SHF: variants seen among roughly 807,000 people sequenced by gnomAD.
The protein encoded by SHF is SH2 domain-containing adapter protein F.
In SHF, 30 loss-of-function variants were observed where a neutral mutation model predicts 42.4. The observed-to-expected ratio is 0.71, with a 90% CI of 0.53 to 0.96. The LOEUF (loss-of-function observed/expected upper bound fraction) is 0.96, where lower values mean the gene tolerates loss of function less well. Ranked by LOEUF, SHF falls within the 40% of genes least tolerant of loss-of-function variation. SHF has a pLI of 0.00. For missense variants in SHF, 598 were observed against 634.0 expected (o/e 0.94, Z 0.61); for synonymous variants, 264 against 269.9 (o/e 0.98, Z 0.21).
intron 2 of SHF, among the ~76,000 whole-genome samples, chr15:45,176,258 C>T (rs1340504323): frequency 6.6e-6 from 1 of 151,888 alleles, no homozygotes; most frequent in East Asian, 1.9e-4. Flanking sequence ...TCCATGGTTT[C>T]AAACTCATCA....
chr15:45,170,523 G>T, intron 6 of SHF: 1 of 1,078,210 alleles, frequency 9.3e-7, no homozygotes, highest in Non-Finnish European at 1.2e-6. Flanking sequence ...TTTGGCAAAG[G>T]TAGAAACCGA....
chr15:45,195,471 T>G (rs1898836055), intron 2 of SHF, among the ~76,000 whole-genome samples: 1 of 152,254 alleles, frequency 6.6e-6, no homozygotes, highest in African/African-American at 2.4e-5. Context: ...CCTGAGTCTG[T>G]TGACTCCTGT....
At chr15:45,171,769 G>C (rs1362884304) in intron 6 of SHF, 114 bp downstream of exon 6, 1 of 1,156,336 alleles carries the variant, frequency 8.6e-7, no homozygotes, top group African/African-American at 1.5e-5. Flanking sequence ...CCCAGTGCCT[G>C]GGGATTGTTC....
chr15:45,169,376 C>T (rs1373281463), intron 6 of SHF, among the ~76,000 whole-genome samples: 1 of 152,178 alleles, frequency 6.6e-6, no homozygotes, highest in Non-Finnish European at 1.5e-5. Context: ...TCCTCAGGAG[C>T]CTAGCAGACT....
intron 6 of SHF, chr15:45,171,309 C>A: frequency 6.5e-6 from 1 of 153,830 alleles, no homozygotes. Flanking sequence ...TTCCAGGACC[C>A]AAAAGCTCAG....
intron 6 of SHF, among the ~76,000 whole-genome samples, chr15:45,168,774 A>G (rs905187066): frequency 6.6e-6 from 1 of 152,152 alleles, no homozygotes; most frequent in Non-Finnish European, 1.5e-5. Context: ...CCGGCCCTTC[A>G]GCCTACAATG....
chr15:45,198,991 A>C (rs1898975104), exon 2 of SHF: 1 of 1,612,380 alleles, frequency 6.2e-7, no homozygotes. Flanking sequence ...CCCGTTTCCT[A>C]TGCCCCGGAG....
intron 2 of SHF, among the ~76,000 whole-genome samples, chr15:45,176,197 T>C (rs1471893113): frequency 6.6e-6 from 1 of 152,062 alleles, no homozygotes; most frequent in Non-Finnish European, 1.5e-5. Flanking sequence ...CCTTGAAACT[T>C]TCCCTTCGAC....
chr15:45,201,043 C>T, exon 1 of SHF: 3 of 349,922 alleles, frequency 8.6e-6, no homozygotes, highest in Non-Finnish European at 1.7e-5. Context: ...AACGTGGGTG[C>T]GGGAGGAACC....
At chr15:45,188,313 C>T (rs1233780114), upstream of SHF, among the ~76,000 whole-genome samples, 1 of 152,190 alleles carries the variant, frequency 6.6e-6, no homozygotes, top group East Asian at 1.9e-4. Context: ...AAGAGGGGAG[C>T]CCCCAGACTC....
upstream of SHF, among the ~76,000 whole-genome samples, chr15:45,188,518 A>G (rs1334201013): frequency 1.3e-5 from 2 of 152,240 alleles, no homozygotes; most frequent in South Asian, 2.1e-4. Flanking sequence ...CGCACTGCAC[A>G]TACCCGAACC....
At chr15:45,172,837 A>G (rs879763844) in intron 4 of SHF, among the ~76,000 whole-genome samples, 2 of 129,304 alleles carry the variant, frequency 1.5e-5, no homozygotes, top group Non-Finnish European at 3.5e-5. Flanking sequence ...TCCCTCCCCG[A>G]CCCCCAACGT....
intron 4 of SHF, among the ~76,000 whole-genome samples, chr15:45,172,539 G>T (rs944845522): frequency 1.3e-5 from 2 of 152,198 alleles, no homozygotes; most frequent in African/African-American, 4.8e-5. Context: ...GCCACACAGG[G>T]TGTTGCAGTC....
At chr15:45,174,032 C>A (rs367906272) in intron 3 of SHF, among the ~76,000 whole-genome samples, 3 of 152,090 alleles carry the variant, frequency 2.0e-5, no homozygotes, top group Non-Finnish European at 4.4e-5. Context: ...CCAAAGGTAC[C>A]AGGAACAAAG....
upstream of SHF, among the ~76,000 whole-genome samples, chr15:45,190,644 G>A (rs1000894319): frequency 6.6e-6 from 1 of 152,138 alleles, no homozygotes; most frequent in Non-Finnish European, 1.5e-5. Flanking sequence ...AGGTAGACCT[G>A]AGCTGGGTAG....
upstream of SHF, chr15:45,187,988 G>A (rs1898558925): frequency 1.5e-5 from 16 of 1,057,878 alleles, no homozygotes; most frequent in Non-Finnish European, 1.9e-5. Context: ...GCGCAGCGGC[G>A]GGTGGGGGGC....
At chr15:45,186,455 C>G (rs933411493) in intron 1 of SHF, among the ~76,000 whole-genome samples, 1 of 152,202 alleles carries the variant, frequency 6.6e-6, no homozygotes, top group Admixed American at 6.5e-5. Flanking sequence ...ACTGAGCTCT[C>G]GGGGTGAGTG....
intron 1 of SHF, among the ~76,000 whole-genome samples, chr15:45,185,291 A>G (rs919137898): frequency 2.0e-5 from 3 of 152,232 alleles, no homozygotes; most frequent in Admixed American, 6.5e-5. Context: ...GCGGCCACAT[A>G]GTACATAAAC....
chr15:45,191,306 C>T (rs1384863815), upstream of SHF, among the ~76,000 whole-genome samples: 1 of 152,212 alleles, frequency 6.6e-6, no homozygotes, highest in Non-Finnish European at 1.5e-5. Flanking sequence ...CCTCGGCCTC[C>T]CAAAGCACTG....
Sources: gnomAD v4.1 joint callset for allele counts (sites outside exome capture counted in the v4.1 genomes callset) on GRCh38, gnomAD v4.1.1 for gene constraint, MANE v1.5 for transcripts, NCBI Gene and HGNC (gene_info 2026-07-23, HGNC 2026-07-21) for gene names.